ACAD10: variants seen among roughly 807,000 people sequenced by gnomAD.
ACAD10 encodes ACAD-10.
ACAD10 carries 112 observed loss-of-function variants against 116.8 expected under a neutral mutation model. That is an observed-to-expected ratio of 0.96 (90% CI 0.82 to 1.12). The LOEUF is 1.12. Among genes scored for constraint, ACAD10 ranks in the 50% most tolerant of loss-of-function variants. The pLI is 0.00. For synonymous variants in ACAD10, 486 were observed against 510.6 expected, an observed-to-expected ratio of 0.95 and a Z score of 0.65; for missense variants, 1,259 against 1,350.2, an observed-to-expected ratio of 0.93 and a Z score of 1.06.
intron 1 of ACAD10, among the ~76,000 whole-genome samples, chr12:111,686,795 C>G (rs1370024703): frequency 6.6e-6 from 1 of 152,196 alleles, no homozygotes; most frequent in African/African-American, 2.4e-5. Flanking sequence ...CCTCCCCACC[C>G]TGTCACTTCA....
Position 111,729,894 on chromosome 12 carries a change from C to T in ACAD10, c.1332C>T (p.Ile444=), listed in dbSNP as rs540444011. ...CCATCCCAGCCATGGAGAGGCTGAT[C>T]GAATGGCTGCCCCTCCATCTTCCCC... ...TSTIPAMERL[I]EWLPLHLPRQ... The change falls in exon 10 of 21, where the codon ATC becomes ATT. Residue 444 remains isoleucine (I), a synonymous_variant. Transcript: ENST00000313698. 3.1e-6 allele frequency: 5 copies of T among 1,614,014 alleles called. No homozygotes were observed. Among genetic ancestry groups the T allele is most frequent in the Admixed American group, 1.7e-5 (1 of 59,990 alleles).
At chr12:111,728,168 T>C (rs1889279339) in intron 9 of ACAD10, 25 bp downstream of exon 9, 2 of 1,567,994 alleles carry the variant, frequency 1.3e-6, no homozygotes, top group African/African-American at 1.4e-5. Context: ...ACGTCTCCCA[T>C]GCTGGTTGTT....
At chr12:111,749,810 C>G (rs1444615879) in intron 18 of ACAD10, 1 of 148,612 alleles carries the variant, frequency 6.7e-6, no homozygotes, top group African/African-American at 2.5e-5. Context: ...GAGTCTTGCT[C>G]TGTCACCAGG....
At chr12:111,702,362 G>A in intron 3 of ACAD10, 52 bp downstream of exon 3, 1 of 1,592,342 alleles carries the variant, frequency 6.3e-7, no homozygotes, top group Non-Finnish European at 8.6e-7. Flanking sequence ...GCCTTGAGTA[G>A]TGGTTGCAAC....
chr12:111,705,676 TGGCCATGAGTG>T, intron 3 of ACAD10, 51 bp from the exon 4 acceptor site: 2 of 1,463,258 alleles, frequency 1.4e-6, no homozygotes, highest in Non-Finnish European at 1.9e-6. Context: ...TTTTTTCTGT[TGGCCATGAGTG>T]TTTGTCACTC....
intron 10 of ACAD10, among the ~76,000 whole-genome samples, chr12:111,733,447 C>T (rs1459149884): frequency 3.9e-5 from 6 of 152,052 alleles, no homozygotes; most frequent in African/African-American, 1.4e-4. Flanking sequence ...AGACAGAGGG[C>T]TGGGCAGAAG....
chr12:111,709,945 G>A, intron 5 of ACAD10: 1 of 439,308 alleles, frequency 2.3e-6, no homozygotes, highest in Non-Finnish European at 4.1e-6. Context: ...TAAGACCTTT[G>A]TGGGGGTGTT....
intron 7 of ACAD10, among the ~76,000 whole-genome samples, chr12:111,721,114 CT>C (rs572008852): frequency 1.2e-3 from 190 of 152,146 alleles, no homozygotes; most frequent in Admixed American, 2.7e-3. Flanking sequence ...ATCTATTCAT[CT>C]TTTGAGTTTA....
At chr12:111,731,475 A>G (rs1255828032) in intron 10 of ACAD10, among the ~76,000 whole-genome samples, 1 of 152,170 alleles carries the variant, frequency 6.6e-6, no homozygotes, top group Non-Finnish European at 1.5e-5. Flanking sequence ...TCACCAGCCC[A>G]CAACAGCTGC....
At chr12:111,721,012 AG>A (rs1402342217) in intron 7 of ACAD10, among the ~76,000 whole-genome samples, 2 of 151,812 alleles carry the variant, frequency 1.3e-5, no homozygotes, top group African/African-American at 2.4e-5. Context: ...TTGAACTCTT[AG>A]GCTCAAGCAG....
chr12:111,693,140 T>A (rs892810923), intron 2 of ACAD10: 5 of 515,118 alleles, frequency 9.7e-6, no homozygotes, highest in African/African-American at 1.9e-5. Flanking sequence ...TCCTTGGGAT[T>A]TGGCGGAGAG....
At chr12:111,700,748 CTTT>C (rs750378233) in intron 2 of ACAD10, among the ~76,000 whole-genome samples, 7 of 89,908 alleles carry the variant, frequency 7.8e-5, no homozygotes, top group Non-Finnish European at 8.9e-5. Flanking sequence ...CCTTCCTCTT[CTTT>C]TTTTTTTTTT....
intron 6 of ACAD10, 24 bp downstream of exon 6, chr12:111,712,681 TG>T: frequency 6.2e-7 from 1 of 1,611,076 alleles, no homozygotes; most frequent in Non-Finnish European, 8.5e-7. Context: ...TTTCATGTTT[TG>T]GTAGCTCTCT....
chr12:111,753,752 C>A lies in ACAD10; in HGVS notation c.2818-20C>A. Reference sequence around the variant, plus strand: ...CCCCAGCCCAGCATGTCCTCAGCCGCACATCTCCTGTGTCGACAGGTGAAG... The same window carrying A: ...CCCCAGCCCAGCATGTCCTCAGCCGAACATCTCCTGTGTCGACAGGTGAAG... On this transcript the variant is annotated intron_variant, in intron 18 of 20. Coordinates refer to ENST00000313698, the MANE Select transcript of ACAD10 (RefSeq NM_025247.6). 6.2e-7 allele frequency: 1 copy of A among 1,613,796 alleles called. No individual in the cohort carries two copies.
chr12:111,706,782 ATT>A (rs36125603), intron 4 of ACAD10, among the ~76,000 whole-genome samples: 2 of 126,502 alleles, frequency 1.6e-5, no homozygotes, highest in Admixed American at 8.5e-5. Flanking sequence ...ATATATATAT[ATT>A]TTTTTTTTTG....
At chr12:111,704,890 T>C (rs184025874) in intron 3 of ACAD10, among the ~76,000 whole-genome samples, 7 of 151,978 alleles carry the variant, frequency 4.6e-5, no homozygotes, top group Admixed American at 3.9e-4. Context: ...GGTTTCACCA[T>C]GTTAGCCAGG....
At chr12:111,738,576 A>G (rs1467997455) in intron 12 of ACAD10, among the ~76,000 whole-genome samples, 6 of 152,032 alleles carry the variant, frequency 3.9e-5, no homozygotes, top group African/African-American at 1.4e-4. Context: ...GTTTAAATCC[A>G]TGAGTAGTAG....
At chr12:111,753,047 G>A (rs998595914) in intron 18 of ACAD10, 4 of 167,576 alleles carry the variant, frequency 2.4e-5, no homozygotes, top group Non-Finnish European at 5.2e-5. Flanking sequence ...AGGTGGCTGA[G>A]GTAGGAAGAT....
At chr12:111,699,409 G>C (rs980085683) in intron 2 of ACAD10, among the ~76,000 whole-genome samples, 2 of 151,990 alleles carry the variant, frequency 1.3e-5, no homozygotes, top group Non-Finnish European at 2.9e-5. Context: ...GTTGGTTCCA[G>C]ACTTAAGTGG....
Sources: gnomAD v4.1 joint callset for allele counts (sites outside exome capture counted in the v4.1 genomes callset) on GRCh38, gnomAD v4.1.1 for gene constraint, MANE v1.5 for transcripts, NCBI Gene and HGNC (gene_info 2026-07-23, HGNC 2026-07-21) for gene names.